The following MARCHF6 variants were observed in gnomAD, a reference collection of about 807,000 sequenced individuals.
The protein encoded by MARCHF6 is E3 ubiquitin-protein ligase MARCHF6.
In MARCHF6, 31 loss-of-function variants were observed where a neutral mutation model predicts 133.7. The ratio of observed to expected loss-of-function variants is 0.23; its 90% CI spans 0.17 to 0.31. The LOEUF (loss-of-function observed/expected upper bound fraction) is 0.31. MARCHF6 is among the 10% of genes least tolerant of loss of function. MARCHF6 has a pLI of 1.00. For missense variants in MARCHF6, 723 were observed against 1,121.6 expected, an observed-to-expected ratio of 0.64 and a Z score of 5.08; for synonymous variants, 395 against 402.5, an observed-to-expected ratio of 0.98 and a Z score of 0.22.
intron 22 of MARCHF6, among the ~76,000 whole-genome samples, chr5:10,418,315 G>A (rs1051087351): frequency 4.0e-5 from 6 of 151,560 alleles, no homozygotes; most frequent in Non-Finnish European, 5.9e-5. Flanking sequence ...GGGAGGCCGC[G>A]GTTGCAGTGA....
intron 23 of MARCHF6, among the ~76,000 whole-genome samples, chr5:10,425,968 C>A (rs1279933973): frequency 1.3e-5 from 2 of 152,160 alleles, no homozygotes; most frequent in East Asian, 3.9e-4. Flanking sequence ...CTTCCTGCTT[C>A]AGTGTTTTCT....
chr5:10,374,445 A>G (rs1736651013), intron 1 of MARCHF6, among the ~76,000 whole-genome samples: 1 of 152,150 alleles, frequency 6.6e-6, no homozygotes. Context: ...TGAAGTGTGC[A>G]CTTGAAGAAA....
chr5:10,418,806 C>T (rs1396388254), intron 22 of MARCHF6, among the ~76,000 whole-genome samples: 1 of 152,168 alleles, frequency 6.6e-6, no homozygotes, highest in Non-Finnish European at 1.5e-5. Flanking sequence ...GAGGAATTTA[C>T]ACACTCTGAT....
chr5:10,438,955 TGTTTA>T lies in MARCHF6; in HGVS notation c.*5275_*5279del, dbSNP rs776167729. On this transcript the variant is annotated 3_prime_UTR_variant, in exon 26 of 26. Coordinates refer to ENST00000274140, the MANE Select transcript of MARCHF6 (RefSeq NM_005885.4). ...GGCCCCTTTTTGCCTCATTTTACAT[TGTTTA>T]GTTATCATTTTGAAACTTTTCTTCA... is the stretch of plus-strand genomic sequence containing the variant. 3 of 152,218 alleles carry T rather than the reference TGTTTA, an allele frequency of 2.0e-5. No homozygotes were observed. Among genetic ancestry groups the T allele is most frequent in the Non-Finnish European group, 4.4e-5 (3 of 68,048 alleles). 9.4% of individuals were successfully genotyped at this position (152,218 alleles called of 1,614,324 possible). A position where few individuals can be genotyped will look rare whatever the true frequency, so the allele number is the denominator to read the frequency against.
intron 1 of MARCHF6, among the ~76,000 whole-genome samples, chr5:10,354,279 C>T (rs894471249): frequency 1.3e-5 from 2 of 152,210 alleles, no homozygotes; most frequent in African/African-American, 4.8e-5. Context: ...ACCCTTCCCC[C>T]ACTGGGTTTT....
rs1335426660 is a variant in MARCHF6 at position 10,433,714 on chromosome 5, C to T, written c.*30C>T. On this transcript the variant is annotated 3_prime_UTR_variant, in exon 26 of 26. Coordinates refer to ENST00000274140, the MANE Select transcript of MARCHF6 (RefSeq NM_005885.4). ...GTTGTCTCAACAACTTGACCTTCCC[C>T]TTTACATGTCCTTTTTTGTGGACTT... 4.5e-6 allele frequency: 7 copies of T among 1,556,888 alleles called. No homozygotes were observed. Among genetic ancestry groups the T allele is most frequent in the Non-Finnish European group, 4.4e-6 (5 of 1,127,994 alleles).
At chr5:10,423,925 T>C (rs1579617832) in intron 23 of MARCHF6, 101 bp downstream of exon 23, 1 of 800,446 alleles carries the variant, frequency 1.2e-6, no homozygotes, top group African/African-American at 1.8e-5. Context: ...TTGCTGAGTT[T>C]TCTACATTTT....
chr5:10,417,586 A>C, intron 22 of MARCHF6, 182 bp downstream of exon 22: 1 of 692,978 alleles, frequency 1.4e-6, no homozygotes, highest in Non-Finnish European at 2.3e-6. Flanking sequence ...TCTCTATAAA[A>C]AATTGGCTCA....
In MARCHF6 at chr5:10,390,228, G is replaced by GTTT. The variant is rs11449510; in HGVS notation, c.408-94_408-92dup. On this transcript the variant is annotated intron_variant, in intron 5 of 25. Coordinates refer to ENST00000274140, the MANE Select transcript of MARCHF6 (RefSeq NM_005885.4). ...AAAATTATGATTTATTCTTCTGGCT[G>GTTT]TTTTTTTTTTTTCTGAGACTTTAGT... 1.8e-3 allele frequency: 1,187 copies of GTTT among 654,440 alleles called. 1 individual carries two copies. Among genetic ancestry groups the GTTT allele is most frequent in the South Asian group, 4.0e-3 (195 of 48,978 alleles). 40.5% of individuals were successfully genotyped at this position (654,440 alleles called of 1,614,324 possible). A position where few individuals can be genotyped will look rare whatever the true frequency, so the allele number is the denominator to read the frequency against.
At chr5:10,403,797 A>T (rs1223869090) in intron 15 of MARCHF6, among the ~76,000 whole-genome samples, 2 of 152,206 alleles carry the variant, frequency 1.3e-5, no homozygotes, top group African/African-American at 2.4e-5. Context: ...AAAAGATAAG[A>T]GTACTCATTT....
At chr5:10,414,180 A>G (rs1399158390) in intron 19 of MARCHF6, among the ~76,000 whole-genome samples, 3 of 151,236 alleles carry the variant, frequency 2.0e-5, no homozygotes, top group African/African-American at 7.3e-5. Context: ...TTTTTTTTTT[A>G]TGCTCTCTGA....
At chr5:10,373,688 G>C (rs541352530) in intron 1 of MARCHF6, among the ~76,000 whole-genome samples, 2 of 152,244 alleles carry the variant, frequency 1.3e-5, no homozygotes, top group African/African-American at 4.8e-5. Context: ...GACACCCTTT[G>C]TCATGCTGTG....
At chr5:10,400,355 G>A (rs1357457909) in intron 10 of MARCHF6, among the ~76,000 whole-genome samples, 1 of 152,172 alleles carries the variant, frequency 6.6e-6, no homozygotes, top group Non-Finnish European at 1.5e-5. Flanking sequence ...AGGAATTGGT[G>A]TATTAACTAT....
chr5:10,423,969 TTTA>T, intron 23 of MARCHF6, 145 bp downstream of exon 23: 4 of 505,680 alleles, frequency 7.9e-6, no homozygotes, highest in South Asian at 3.9e-5. Context: ...TTTTTTTTTT[TTTA>T]AAGACAGCAG....
chr5:10,439,537 T>C lies in MARCHF6; in HGVS notation c.*5853T>C, dbSNP rs1740778157. 1 of 152,224 alleles carries C rather than the reference T, an allele frequency of 6.6e-6. No homozygotes were observed. Among genetic ancestry groups the C allele is most frequent in the Non-Finnish European group, 1.5e-5 (1 of 68,048 alleles). 9.4% of individuals were successfully genotyped at this position (152,224 alleles called of 1,614,324 possible). ...GTGGCAGAAAAATATTTGCAAAACA[T>C]TTCTGATAAATGAGTTGCATCTAGA... On this transcript the variant is annotated 3_prime_UTR_variant, in exon 26 of 26. Coordinates refer to ENST00000274140, the MANE Select transcript of MARCHF6 (RefSeq NM_005885.4).
At chr5:10,398,385 T>G (rs1397679266) in intron 10 of MARCHF6, among the ~76,000 whole-genome samples, 1 of 152,156 alleles carries the variant, frequency 6.6e-6, no homozygotes, top group Non-Finnish European at 1.5e-5. Context: ...GGAAGATAAA[T>G]TTACTTGTAT....
At chr5:10,411,932 A>G (rs2126789290) in intron 19 of MARCHF6, among the ~76,000 whole-genome samples, 1 of 152,360 alleles carries the variant, frequency 6.6e-6, no homozygotes, top group Non-Finnish European at 1.5e-5. Flanking sequence ...AATATTGGTT[A>G]AGAATGTGCC....
Position 10,426,252 on chromosome 5 carries a change from G to C in MARCHF6, c.2374-138G>C, listed in dbSNP as rs1384695931. 23 of 886,596 alleles carry C rather than the reference G, an allele frequency of 2.6e-5. No homozygotes were observed. In the East Asian group the frequency reaches 5.6e-4, roughly 22 times the overall value. The allele number at this position is 886,596 out of a possible 1,614,324, so 54.9% of individuals were successfully genotyped here. ...GCACTATGCTTATGTTGATATACCA[G>C]AATTTGCCTTGACTTTAGAAGAAGT... On this transcript the variant is annotated intron_variant, in intron 23 of 25. Coordinates refer to ENST00000274140, the MANE Select transcript of MARCHF6 (RefSeq NM_005885.4).
At chr5:10,392,531 A>G (rs1256181390) in intron 7 of MARCHF6, among the ~76,000 whole-genome samples, 1 of 152,118 alleles carries the variant, frequency 6.6e-6, no homozygotes, top group Non-Finnish European at 1.5e-5. Flanking sequence ...AGATGGGTAG[A>G]TCACCTGAGG....
Sources: allele counts gnomAD v4.1 joint callset (sites outside exome capture counted in the v4.1 genomes callset), GRCh38; gene constraint gnomAD v4.1.1; transcripts MANE v1.5; gene names NCBI Gene and HGNC (gene_info 2026-07-23, HGNC 2026-07-21).